GNA14: variants seen among roughly 807,000 people sequenced by gnomAD.
GNA14 encodes G protein subunit alpha 14.
A neutral mutation model predicts 42.0 loss-of-function variants in GNA14; 50 were observed. The ratio of observed to expected loss-of-function variants is 1.19; its 90% confidence interval spans 0.95 to 1.51. GNA14 has a LOEUF of 1.51. Among genes scored for constraint, GNA14 ranks in the 40% most tolerant of loss-of-function variants. GNA14 has a pLI of 0.00. For missense variants in GNA14, 473 were observed against 446.2 expected (o/e 1.06, Z -0.54); for synonymous variants, 173 against 163.1 (o/e 1.06, Z -0.46).
intron 1 of GNA14, among the ~76,000 whole-genome samples, chr9:77,555,471 T>C (rs770079709): frequency 6.6e-6 from 1 of 152,024 alleles, no homozygotes; most frequent in African/African-American, 2.4e-5. Context: ...ACCACTGCAC[T>C]CCAACCTGGG....
At chr9:77,554,036 G>A (rs989096652) in intron 1 of GNA14, among the ~76,000 whole-genome samples, 3 of 152,126 alleles carry the variant, frequency 2.0e-5, no homozygotes, top group African/African-American at 7.2e-5. Context: ...ACTAGGCCAG[G>A]AGGGAGTACA....
chr9:77,525,909 T>TTTTA (rs1491441006), intron 2 of GNA14, among the ~76,000 whole-genome samples: 2 of 141,456 alleles, frequency 1.4e-5, no homozygotes, highest in Non-Finnish European at 3.0e-5. Context: ...GGACTTTTTT[T>TTTTA]AAAAAAAAAA....
chr9:77,577,867 C>T (rs987993270), intron 1 of GNA14, among the ~76,000 whole-genome samples: 6 of 152,094 alleles, frequency 3.9e-5, no homozygotes, highest in Admixed American at 2.6e-4. Context: ...ACTCCTATCT[C>T]ACCATTTAAG....
rs368039666 is a variant in GNA14, at chr9:77,548,846, C to G, written c.125-19593G>C. Among the ~76,000 whole-genome samples the G allele has an allele frequency of 3.9e-5, 6 of 152,340 alleles. No homozygotes were observed. The South Asian group carries it at 1.0e-3, about 26-fold the overall frequency. Reference sequence around the variant, plus strand: ...GCATCACTTTAACTTCTTCCTCAACCACCCCAGAAGTGTGGACCCAGAGAT... The same window carrying G: ...GCATCACTTTAACTTCTTCCTCAACGACCCCAGAAGTGTGGACCCAGAGAT... On this transcript the variant is annotated intron_variant, in intron 1 of 6. Coordinates refer to ENST00000341700, the MANE Select transcript of GNA14 (RefSeq NM_004297.4).
intron 1 of GNA14, among the ~76,000 whole-genome samples, chr9:77,566,279 T>C (rs749887481): frequency 1.1e-4 from 16 of 151,010 alleles, no homozygotes; most frequent in Non-Finnish European, 1.6e-4. Flanking sequence ...CTCAGCCTCC[T>C]GAGTAGCTGG....
intron 1 of GNA14, among the ~76,000 whole-genome samples, chr9:77,628,327 G>A (rs998774689): frequency 1.3e-5 from 2 of 152,174 alleles, no homozygotes; most frequent in African/African-American, 4.8e-5. Flanking sequence ...GTAATTTATA[G>A]ATTCAATGCT....
chr9:77,645,155 T>C (rs1046434913), intron 1 of GNA14, among the ~76,000 whole-genome samples: 2 of 152,240 alleles, frequency 1.3e-5, no homozygotes, highest in Admixed American at 1.3e-4. Flanking sequence ...GCATGCTTCA[T>C]TGTGAAAGAG....
intron 2 of GNA14, among the ~76,000 whole-genome samples, chr9:77,503,363 C>A (rs1837005866): frequency 6.6e-6 from 1 of 152,206 alleles, no homozygotes; most frequent in East Asian, 1.9e-4. Context: ...AGGTAAAGAT[C>A]CTAGATGAGA....
intron 1 of GNA14, among the ~76,000 whole-genome samples, chr9:77,559,496 G>A (rs1822845513): frequency 6.6e-6 from 1 of 152,192 alleles, no homozygotes. Context: ...AAGATGAAGA[G>A]GGCATGCTCC....
intron 2 of GNA14, among the ~76,000 whole-genome samples, chr9:77,467,746 T>C (rs1836262099): frequency 6.6e-6 from 1 of 150,764 alleles, no homozygotes; most frequent in African/African-American, 2.4e-5. Context: ...AGAACACCCA[T>C]GCCACTACAC....
intron 2 of GNA14, among the ~76,000 whole-genome samples, chr9:77,528,028 G>A (rs1373373222): frequency 2.0e-5 from 3 of 152,200 alleles, no homozygotes; most frequent in Non-Finnish European, 4.4e-5. Context: ...GGAAATGATA[G>A]TAAAGACATA....
intron 1 of GNA14, among the ~76,000 whole-genome samples, chr9:77,607,381 G>C (rs1031784644): frequency 6.6e-6 from 1 of 152,168 alleles, no homozygotes; most frequent in Non-Finnish European, 1.5e-5. Context: ...AGGAAGAGAG[G>C]CTTGATGGAA....
At chr9:77,566,842 T>C (rs898831128) in intron 1 of GNA14, among the ~76,000 whole-genome samples, 4 of 152,210 alleles carry the variant, frequency 2.6e-5, no homozygotes, top group African/African-American at 9.7e-5. Context: ...GACCAGTATA[T>C]CTCTCTGCTT....
chr9:77,578,809 C>G (rs891408874), intron 1 of GNA14, among the ~76,000 whole-genome samples: 2 of 152,106 alleles, frequency 1.3e-5, no homozygotes, highest in Non-Finnish European at 2.9e-5. Context: ...GGATTCATTA[C>G]TGGAAAAGGG....
chr9:77,448,745 C>T (rs780141470), intron 2 of GNA14, among the ~76,000 whole-genome samples: 3 of 152,096 alleles, frequency 2.0e-5, no homozygotes, highest in Non-Finnish European at 2.9e-5. Flanking sequence ...TCGAGGTAGA[C>T]GTATGCAACT....
At chr9:77,428,283 G>A (rs879721224) in intron 5 of GNA14, among the ~76,000 whole-genome samples, 34 of 151,774 alleles carry the variant, frequency 2.2e-4, no homozygotes, top group African/African-American at 3.4e-4. Context: ...GTTTCACCAC[G>A]TTAGCCAGGA....
At chr9:77,518,654 A>G (rs1477043436) in intron 2 of GNA14, among the ~76,000 whole-genome samples, 1 of 152,208 alleles carries the variant, frequency 6.6e-6, no homozygotes, top group Non-Finnish European at 1.5e-5. Flanking sequence ...ATCAACCACA[A>G]CTTAACTATG....
At chr9:77,438,074 C>G (rs937554589) in intron 2 of GNA14, among the ~76,000 whole-genome samples, 6 of 152,124 alleles carry the variant, frequency 3.9e-5, no homozygotes, top group Admixed American at 3.9e-4. Context: ...CGGGAGACCT[C>G]ACCAGGAGAG....
chr9:77,490,072 CAG>C (rs1836737361), intron 2 of GNA14, among the ~76,000 whole-genome samples: 2 of 152,108 alleles, frequency 1.3e-5, no homozygotes, highest in Non-Finnish European at 1.5e-5. Flanking sequence ...CAGCTAGATA[CAG>C]AGTGTCGATT....
Sources: allele counts gnomAD v4.1 joint callset (sites outside exome capture counted in the v4.1 genomes callset), GRCh38; gene constraint gnomAD v4.1.1; transcripts MANE v1.5; gene names NCBI Gene and HGNC (gene_info 2026-07-23, HGNC 2026-07-21).